The following ZNF248 variants were observed in gnomAD, a reference collection of about 807,000 sequenced individuals.
ZNF248 encodes KRAB protein domain.
ZNF248 carries 20 observed loss-of-function variants against 44.3 expected under a neutral mutation model. The ratio of observed to expected loss-of-function variants is 0.45; its 90% CI spans 0.32 to 0.66. The LOEUF is 0.66. Ranked by LOEUF, ZNF248 falls within the 30% of genes least tolerant of loss-of-function variation. ZNF248 has a pLI of 0.04. For synonymous variants in ZNF248, 224 were observed against 229.0 expected, an observed-to-expected ratio of 0.98 and a Z score of 0.20; for missense variants, 654 against 677.0, an observed-to-expected ratio of 0.97 and a Z score of 0.38.
At chr10:37,835,231 G>A (rs2056886647) in intron 5 of ZNF248, among the ~76,000 whole-genome samples, 1 of 152,116 alleles carries the variant, frequency 6.6e-6, no homozygotes, top group African/African-American at 2.4e-5. Flanking sequence ...AGTTATATCA[G>A]TGAAAAGTGA....
At chr10:37,850,345 TAGC>T (rs2134690631) in intron 3 of ZNF248, among the ~76,000 whole-genome samples, 1 of 152,192 alleles carries the variant, frequency 6.6e-6, no homozygotes, top group South Asian at 2.1e-4. Flanking sequence ...GCTGAAAAAA[TAGC>T]AGAGTCAGTC....
At chr10:37,856,654 T>C in intron 1 of ZNF248, 122 bp from the exon 2 acceptor site, 6 of 1,030,220 alleles carry the variant, frequency 5.8e-6, no homozygotes, top group Non-Finnish European at 7.0e-6. Flanking sequence ...ACTGAGGCCA[T>C]ATTGTTTATC....
At chr10:37,816,794 G>A (rs1284231121) in intron 6 of ZNF248, among the ~76,000 whole-genome samples, 1 of 152,162 alleles carries the variant, frequency 6.6e-6, no homozygotes, top group Non-Finnish European at 1.5e-5. Context: ...ATGCCCCAGA[G>A]GCTAAGGTGG....
intron 6 of ZNF248, among the ~76,000 whole-genome samples, chr10:37,778,899 A>C (rs971394994): frequency 6.6e-6 from 1 of 152,184 alleles, no homozygotes; most frequent in African/African-American, 2.4e-5. Context: ...TACGCAAATA[A>C]ACTAGAAAAT....
chr10:37,841,448 C>G (rs1199808317), intron 3 of ZNF248, among the ~76,000 whole-genome samples: 1 of 102,786 alleles, frequency 9.7e-6, no homozygotes, highest in Non-Finnish European at 2.1e-5. Flanking sequence ...AATTGTCTAC[C>G]AAAAAAAAAA....
At chr10:37,846,905 A>T (rs909611671) in intron 3 of ZNF248, among the ~76,000 whole-genome samples, 1 of 152,250 alleles carries the variant, frequency 6.6e-6, no homozygotes, top group Non-Finnish European at 1.5e-5. Context: ...AGTCTTAAAG[A>T]TAAAAGACAT....
chr10:37,820,298 A>G (rs2053248032), intron 6 of ZNF248: 1 of 1,389,108 alleles, frequency 7.2e-7, no homozygotes, highest in Non-Finnish European at 1.0e-6. Context: ...TAGATGAGGG[A>G]CTGTTTTGCT....
intron 6 of ZNF248, chr10:37,819,459 C>T (rs145677179): frequency 0.011 from 17,202 of 1,568,870 alleles, 126 homozygotes; most frequent in Middle Eastern, 0.013. Flanking sequence ...TTCACAGCTA[C>T]GTATCTTTGC....
At chr10:37,845,374 T>A in intron 3 of ZNF248, among the ~76,000 whole-genome samples, 1 of 145,286 alleles carries the variant, frequency 6.9e-6, no homozygotes. Flanking sequence ...ATTGGCAGAA[T>A]GGATTTAAAA....
chr10:37,773,939 T>G (rs759039567), downstream of ZNF248, among the ~76,000 whole-genome samples: 1 of 152,022 alleles, frequency 6.6e-6, no homozygotes, highest in Non-Finnish European at 1.5e-5. Flanking sequence ...CTACAAATTT[T>G]ACATTCGACC....
the ZNF248 span, among the ~76,000 whole-genome samples, chr10:37,764,084 G>A: frequency 6.6e-6 from 1 of 152,228 alleles, no homozygotes; most frequent in Non-Finnish European, 1.5e-5. Context: ...CTGAGAGCCA[G>A]GCGGAACAGA....
chr10:37,846,803 G>A (rs1430589638), intron 3 of ZNF248, among the ~76,000 whole-genome samples: 2 of 152,102 alleles, frequency 1.3e-5, no homozygotes, highest in Non-Finnish European at 2.9e-5. Flanking sequence ...ACAGAAACAC[G>A]TTAAACATAA....
chr10:37,803,967 T>C (rs1412756588), intron 6 of ZNF248: 2 of 152,682 alleles, frequency 1.3e-5, no homozygotes, highest in Non-Finnish European at 2.9e-5. Context: ...TGTTGGGTTT[T>C]AGACATGGTG....
At chr10:37,833,794 G>A (rs200921) in intron 5 of ZNF248, among the ~76,000 whole-genome samples, 2 of 152,024 alleles carry the variant, frequency 1.3e-5, no homozygotes, top group African/African-American at 4.8e-5. Context: ...ATAAACTCAA[G>A]ACATGATAAA....
At chr10:37,837,905 A>G in intron 4 of ZNF248, 80 bp downstream of exon 4, 1 of 1,546,886 alleles carries the variant, frequency 6.5e-7, no homozygotes, top group South Asian at 1.2e-5. Context: ...TTCAATCTCA[A>G]GCTTTACATC....
chr10:37,805,726 A>C (rs1311511905), intron 6 of ZNF248, among the ~76,000 whole-genome samples: 1 of 152,218 alleles, frequency 6.6e-6, no homozygotes, highest in East Asian at 1.9e-4. Context: ...GGATAGGGAA[A>C]TTATATAAAA....
At chr10:37,843,499 A>G (rs1040666297) in intron 3 of ZNF248, among the ~76,000 whole-genome samples, 3 of 152,122 alleles carry the variant, frequency 2.0e-5, no homozygotes, top group Admixed American at 6.6e-5. Context: ...CCGACTTACC[A>G]TATTAAAATA....
At position 37,831,187 on chromosome 10, in the gene ZNF248, A is replaced by G; in HGVS notation, c.*428T>C. ...CTCCTTATGATCATGTTGAGTTCCA[A>G]TATACAAATCAAGCATACTCAAATT... On this transcript the variant is annotated 3_prime_UTR_variant, in exon 6 of 6. Transcript: ENST00000395867. 1.3e-6 allele frequency: 2 copies of G among 1,539,520 alleles called. No individual in the cohort carries two copies. The highest frequency in any genetic ancestry group is 1.8e-6 in the Non-Finnish European group (2 of 1,141,196).
chr10:37,836,723 C>T (rs2057262687), intron 5 of ZNF248, among the ~76,000 whole-genome samples: 1 of 151,986 alleles, frequency 6.6e-6, no homozygotes, highest in Non-Finnish European at 1.5e-5. Context: ...CCTATATACA[C>T]ACACATATGC....
Sources: allele counts gnomAD v4.1 joint callset (sites outside exome capture counted in the v4.1 genomes callset), GRCh38; gene constraint gnomAD v4.1.1; transcripts MANE v1.5; gene names NCBI Gene and HGNC (gene_info 2026-07-23, HGNC 2026-07-21).